Variants in NTRK2 observed in about 807,000 individuals in gnomAD.
NTRK2 encodes BDNF/NT-3 growth factors receptor.
Under a neutral mutation model 94.5 loss-of-function variants are expected in NTRK2, and 13 were observed. That is an observed-to-expected ratio of 0.14 (90% CI 0.09 to 0.22). NTRK2 has a LOEUF of 0.22. NTRK2 is among the 10% of genes least tolerant of loss of function. NTRK2 has a pLI of 1.00. For synonymous variants in NTRK2, 372 were observed against 407.4 expected (o/e 0.91, Z 1.05); for missense variants, 639 against 1,071.2 (o/e 0.60, Z 5.63).
chr9:84,973,484 C>A (rs1379212016), intron 17 of NTRK2, among the ~76,000 whole-genome samples: 3 of 152,182 alleles, frequency 2.0e-5, no homozygotes. Context: ...CTGTTTCAGC[C>A]CCTTGAACAG....
At chr9:84,863,972 G>A (rs1341955526) in intron 13 of NTRK2, among the ~76,000 whole-genome samples, 1 of 152,154 alleles carries the variant, frequency 6.6e-6, no homozygotes, top group Admixed American at 6.5e-5. Flanking sequence ...GGTTTAATTG[G>A]AGAGGTTTAG....
intron 15 of NTRK2, among the ~76,000 whole-genome samples, chr9:84,937,891 T>C (rs565448358): frequency 6.6e-6 from 1 of 152,328 alleles, no homozygotes; most frequent in Non-Finnish European, 1.5e-5. Flanking sequence ...TGAATCCACA[T>C]TGATTTTTGC....
At chr9:84,693,357 G>T (rs1430229153) in intron 2 of NTRK2, among the ~76,000 whole-genome samples, 1 of 152,058 alleles carries the variant, frequency 6.6e-6, no homozygotes, top group African/African-American at 2.4e-5. Flanking sequence ...GAAAGAAAAT[G>T]TTAAGTTTTT....
At chr9:84,782,615 C>A (rs1400291974) in intron 12 of NTRK2, among the ~76,000 whole-genome samples, 6 of 152,234 alleles carry the variant, frequency 3.9e-5, no homozygotes, top group Non-Finnish European at 2.9e-5. Flanking sequence ...GGCTGAATCA[C>A]CCTTTCCCTT....
intron 13 of NTRK2, 125 bp from the exon 14 acceptor site, chr9:84,867,118 C>G: frequency 1.2e-6 from 1 of 857,362 alleles, no homozygotes. Context: ...GATTATTGTA[C>G]TACTCTGTGA....
chr9:84,906,599 C>T (rs1587890926), intron 14 of NTRK2, among the ~76,000 whole-genome samples: 1 of 152,324 alleles, frequency 6.6e-6, no homozygotes, highest in East Asian at 1.9e-4. Context: ...TTCTGTCCAA[C>T]CACTACGTTG....
chr9:84,801,266 G>T, intron 12 of NTRK2, among the ~76,000 whole-genome samples: 1 of 152,168 alleles, frequency 6.6e-6, no homozygotes, highest in Admixed American at 6.5e-5. Flanking sequence ...GGGTGTTTCT[G>T]GTTGTAGACT....
At chr9:84,912,651 C>T (rs911028736) in intron 14 of NTRK2, among the ~76,000 whole-genome samples, 1 of 128,014 alleles carries the variant, frequency 7.8e-6, no homozygotes, top group Non-Finnish European at 1.6e-5. Context: ...TGGAGTCTCA[C>T]TCTGTCACCC....
At chr9:84,860,149 C>T (rs1319812221) in intron 12 of NTRK2, among the ~76,000 whole-genome samples, 1 of 152,266 alleles carries the variant, frequency 6.6e-6, no homozygotes. Context: ...AAAATTATGA[C>T]AGAGGAGGGA....
At chr9:84,676,485 G>A (rs1351532360) in intron 2 of NTRK2, among the ~76,000 whole-genome samples, 2 of 152,178 alleles carry the variant, frequency 1.3e-5, no homozygotes, top group African/African-American at 2.4e-5. Flanking sequence ...CACAGGGTCA[G>A]TGTTCAGATG....
intron 12 of NTRK2, among the ~76,000 whole-genome samples, chr9:84,816,990 A>G (rs2072466108): frequency 6.6e-6 from 1 of 152,126 alleles, no homozygotes; most frequent in African/African-American, 2.4e-5. Flanking sequence ...TAATCTTGGG[A>G]AAGTTCTTTC....
At chr9:84,860,969 G>T in intron 12 of NTRK2, 71 bp from the exon 13 acceptor site, 1 of 1,064,482 alleles carries the variant, frequency 9.4e-7, no homozygotes, top group South Asian at 1.3e-5. Context: ...ATTTGACCAA[G>T]GACAGTGTTG....
chr9:84,804,257 G>A (rs1051334328), intron 12 of NTRK2, among the ~76,000 whole-genome samples: 11 of 151,992 alleles, frequency 7.2e-5, no homozygotes, highest in African/African-American at 2.7e-4. Context: ...GGGGTCTGAG[G>A]CGCATCAATA....
intron 12 of NTRK2, among the ~76,000 whole-genome samples, chr9:84,817,844 G>A (rs557071096): frequency 6.6e-6 from 1 of 152,194 alleles, no homozygotes; most frequent in South Asian, 2.1e-4. Flanking sequence ...ACACATGATT[G>A]GCCTAGTTGG....
intron 14 of NTRK2, among the ~76,000 whole-genome samples, chr9:84,882,727 C>T (rs575366830): frequency 2.6e-4 from 39 of 149,408 alleles, no homozygotes; most frequent in Admixed American, 9.3e-4. Context: ...TGTGCGCGCG[C>T]GCGCGCATGT....
At chr9:84,759,900 C>T (rs2065401360) in intron 12 of NTRK2, among the ~76,000 whole-genome samples, 1 of 152,186 alleles carries the variant, frequency 6.6e-6, no homozygotes, top group South Asian at 2.1e-4. Context: ...ATGAAGAAGA[C>T]AGATAATAAC....
intron 9 of NTRK2, among the ~76,000 whole-genome samples, chr9:84,739,866 G>T (rs1366162174): frequency 6.6e-6 from 1 of 152,162 alleles, no homozygotes; most frequent in African/African-American, 2.4e-5. Flanking sequence ...TACTGCAAAT[G>T]AAGACCCACA....
At chr9:84,671,470 T>G (rs904177895) in intron 2 of NTRK2, among the ~76,000 whole-genome samples, 35 of 152,210 alleles carry the variant, frequency 2.3e-4, no homozygotes, top group Non-Finnish European at 1.5e-4. Flanking sequence ...TCATTTTATA[T>G]ATCGGATTTT....
intron 17 of NTRK2, among the ~76,000 whole-genome samples, chr9:84,979,847 T>A (rs1827363085): frequency 6.6e-6 from 1 of 152,224 alleles, no homozygotes; most frequent in Non-Finnish European, 1.5e-5. Flanking sequence ...AGAACTTCCA[T>A]CAGCAAAGCA....
Sources: allele counts gnomAD v4.1 joint callset (sites outside exome capture counted in the v4.1 genomes callset), GRCh38; gene constraint gnomAD v4.1.1; transcripts MANE v1.5; gene names NCBI Gene and HGNC (gene_info 2026-07-23, HGNC 2026-07-21).